FEZ2: variants seen among roughly 807,000 people sequenced by gnomAD.
The protein encoded by FEZ2 is fasciculation and elongation protein zeta-2.
In FEZ2, 51 loss-of-function variants were observed where a neutral mutation model predicts 40.4. The observed-to-expected ratio is 1.26, with a 90% CI of 1.01 to 1.59. The LOEUF (loss-of-function observed/expected upper bound fraction) is 1.59. FEZ2 is among the 40% of genes most tolerant of loss of function. FEZ2 has a pLI of 0.00. For synonymous variants in FEZ2, 242 were observed against 172.0 expected, an observed-to-expected ratio of 1.41 and a Z score of -3.18; for missense variants, 640 against 438.3, an observed-to-expected ratio of 1.46 and a Z score of -4.11.
chr2:36,584,449 T>C (rs952545818), intron 2 of FEZ2, among the ~76,000 whole-genome samples: 10 of 152,214 alleles, frequency 6.6e-5, no homozygotes, highest in Admixed American at 4.6e-4. Flanking sequence ...CCAGTACTGA[T>C]TGTAAAAACT....
At chr2:36,558,012 T>C (rs1405958715) in intron 6 of FEZ2, 1 of 153,408 alleles carries the variant, frequency 6.5e-6, no homozygotes, top group Non-Finnish European at 1.5e-5. Context: ...ATGTTCTACC[T>C]ATAACTACTA....
rs750072397 is a variant in FEZ2 at position 36,555,989 on chromosome 2, T to A, written c.980-241A>T. 3.4e-5 allele frequency: 21 copies of A among 624,136 alleles called. No individual in the cohort carries two copies. The East Asian group carries it at 7.2e-4, about 21-fold the overall frequency. The allele number at this position is 624,136 out of a possible 1,614,324, so 38.7% of individuals were successfully genotyped here. On this transcript the variant is annotated intron_variant, in intron 6 of 7. Coordinates refer to ENST00000405912, the MANE Select transcript of FEZ2 (RefSeq NM_005102.3). The stretch of plus-strand genomic sequence containing the variant: ...ATATCCCACTTACCTGAGAGTTGCT[T>A]CCCTGATTTAAAATTTCCAAACAGT...
chr2:36,573,465 A>G (rs1372981668), intron 5 of FEZ2, among the ~76,000 whole-genome samples: 2 of 152,232 alleles, frequency 1.3e-5, no homozygotes, highest in East Asian at 1.9e-4. Context: ...GGCTCCCCCA[A>G]TAAAAATCCC....
At chr2:36,558,265 G>C (rs1668003382) in intron 6 of FEZ2, 173 bp downstream of exon 6, 1 of 444,684 alleles carries the variant, frequency 2.2e-6, no homozygotes, top group South Asian at 5.6e-5. Flanking sequence ...AGTTACTGTT[G>C]TATTTAATGT....
chr2:36,576,512 C>G (rs1487371042), intron 5 of FEZ2, among the ~76,000 whole-genome samples: 1 of 152,172 alleles, frequency 6.6e-6, no homozygotes, highest in Non-Finnish European at 1.5e-5. Flanking sequence ...GTCAGGTGAT[C>G]CGCCCACCTT....
intron 3 of FEZ2, 69 bp from the exon 4 acceptor site, chr2:36,581,500 C>G: frequency 7.0e-7 from 1 of 1,419,654 alleles, no homozygotes; most frequent in South Asian, 1.2e-5. Context: ...GAACACAGTG[C>G]TCACCTAAGG....
rs367890426 is a variant in FEZ2, at chr2:36,578,716, C to T, written c.784G>A (p.Val262Ile). The T allele has an allele frequency of 2.5e-6, 4 of 1,613,924 alleles. No homozygotes were observed. The highest frequency in any genetic ancestry group is 2.5e-6 in the Non-Finnish European group (3 of 1,179,878). Residue 262 changes from valine to isoleucine, a missense_variant, in exon 5 of 8, where the codon GTT becomes ATT. Coordinates refer to ENST00000405912, the MANE Select transcript of FEZ2 (RefSeq NM_005102.3). ...EKEVKNSFIS[V>I]LIEVQNKQKE... is the part of the protein sequence containing the mutation. ...TGTTTGTTTTGCACTTCAATAAGAA[C>T]AGAAATAAAGCTGTTTTTCACTTCC...
chr2:36,591,038 T>C (rs1352799901), intron 1 of FEZ2, 27 bp from the exon 2 acceptor site: 5 of 1,350,836 alleles, frequency 3.7e-6, no homozygotes, highest in Non-Finnish European at 4.2e-6. Flanking sequence ...CTACAATCAA[T>C]GAAAATTAAC....
intron 1 of FEZ2, among the ~76,000 whole-genome samples, chr2:36,595,082 A>T (rs2148353975): frequency 6.6e-6 from 1 of 152,304 alleles, no homozygotes; most frequent in East Asian, 1.9e-4. Flanking sequence ...GCCAACATCG[A>T]ATCCTGCAGA....
intron 2 of FEZ2, among the ~76,000 whole-genome samples, chr2:36,586,631 A>C (rs1668906847): frequency 6.6e-6 from 1 of 150,780 alleles, no homozygotes; most frequent in Non-Finnish European, 1.5e-5. Flanking sequence ...TGTCTCAAAA[A>C]AAAAAAAAAA....
chr2:36,592,500 G>A lies in FEZ2; in HGVS notation c.267-1489C>T, dbSNP rs1669099680. Among the ~76,000 whole-genome samples, 3 of 152,152 alleles carry A rather than the reference G, an allele frequency of 2.0e-5. No individual in the cohort carries two copies. The South Asian group carries it at 6.2e-4, about 31-fold the overall frequency. ...CTAAAAGCATAACATCCCAAATGATGTTTGGCTTTAAAATGCACGTTAGGG... is the reference window on the plus strand; with the variant it reads ...CTAAAAGCATAACATCCCAAATGATATTTGGCTTTAAAATGCACGTTAGGG... On this transcript the variant is annotated intron_variant, in intron 1 of 7. Coordinates refer to ENST00000405912, the MANE Select transcript of FEZ2 (RefSeq NM_005102.3).
At chr2:36,562,944 A>C (rs1668131118) in intron 5 of FEZ2, among the ~76,000 whole-genome samples, 1 of 152,222 alleles carries the variant, frequency 6.6e-6, no homozygotes, top group Non-Finnish European at 1.5e-5. Flanking sequence ...AATTCATAAA[A>C]TCTAAAGCTA....
chr2:36,598,129 C>T lies in FEZ2; in HGVS notation c.14G>A (p.Gly5Glu). Residue 5 changes from glycine (G) to glutamate (E), a missense_variant, in exon 1 of 8, where the codon GGG becomes GAG. Coordinates refer to ENST00000405912, the MANE Select transcript of FEZ2 (RefSeq NM_005102.3). ...GAACTCATAGAAATCCTGCCAGTCC[C>T]CGTCCGCCGCCATCGCCGCCCGGAG... MAAD[G>E]DWQDFYEFQE... The T allele has an allele frequency of 1.4e-6, 2 of 1,479,942 alleles. No homozygotes were observed. The highest frequency in any genetic ancestry group is 1.3e-5 in the South Asian group (1 of 79,096). 91.7% of individuals were successfully genotyped at this position (1,479,942 alleles called of 1,614,324 possible).
At chr2:36,582,883 T>C (rs1434833370) in intron 3 of FEZ2, among the ~76,000 whole-genome samples, 2 of 152,220 alleles carry the variant, frequency 1.3e-5, no homozygotes, top group Admixed American at 1.3e-4. Flanking sequence ...TTTAAGTGAA[T>C]ACAGGGTTGA....
At chr2:36,572,539 CCA>C (rs1316221604) in intron 5 of FEZ2, among the ~76,000 whole-genome samples, 2 of 152,126 alleles carry the variant, frequency 1.3e-5, no homozygotes, top group Non-Finnish European at 2.9e-5. Flanking sequence ...GCTTTGTAAG[CCA>C]CACAGTCTCT....
intron 5 of FEZ2, among the ~76,000 whole-genome samples, chr2:36,567,482 C>T (rs1259632674): frequency 1.3e-5 from 2 of 151,980 alleles, no homozygotes; most frequent in East Asian, 3.9e-4. Flanking sequence ...CAAACCCCGG[C>T]CAGGCACGGA....
chr2:36,588,883 C>G (rs929972751), intron 2 of FEZ2, among the ~76,000 whole-genome samples: 1 of 151,896 alleles, frequency 6.6e-6, no homozygotes, highest in African/African-American at 2.4e-5. Context: ...TTGGATTAAA[C>G]TGTCTCACTC....
At position 36,598,072 on chromosome 2, in the gene FEZ2, T is replaced by A. The variant is rs1314236064; in HGVS notation, c.71A>T (p.Glu24Val). 2 of 1,490,726 alleles carry A rather than the reference T, an allele frequency of 1.3e-6. No individual in the cohort carries two copies. Among genetic ancestry groups the A allele is most frequent in the African/African-American group, 3.0e-5 (2 of 65,664 alleles). The allele number at this position is 1,490,726 out of a possible 1,614,324, so 92.3% of individuals were successfully genotyped here. The change falls in exon 1 of 8, where the codon GAG (glutamate) becomes GTG (valine). Residue 24 changes from glutamate (E) to valine (V), a missense_variant. Physicochemically the swap from Glu to Val is moderately radical, Grantham distance 121 (BLOSUM62 -2). Coordinates refer to ENST00000405912, the MANE Select transcript of FEZ2 (RefSeq NM_005102.3). The stretch of plus-strand genomic sequence containing the variant: ...AGGCTCGGGGCTCGCGTTACAGTTC[T>A]CCTGGTCCAGGAGGCTCCGGGCCGG... ...QEPARSLLDQ[E>V]NCNASPEPGA...
At chr2:36,597,327 A>T (rs968155708) in intron 1 of FEZ2, among the ~76,000 whole-genome samples, 1 of 152,072 alleles carries the variant, frequency 6.6e-6, no homozygotes, top group African/African-American at 2.4e-5. Context: ...TACTCTCCCC[A>T]AGACACACGC....
Sources: allele counts gnomAD v4.1 joint callset (sites outside exome capture counted in the v4.1 genomes callset), GRCh38; gene constraint gnomAD v4.1.1; transcripts MANE v1.5; gene names NCBI Gene and HGNC (gene_info 2026-07-23, HGNC 2026-07-21).